Variants in MIPEP observed in about 807,000 individuals in gnomAD.
The protein encoded by MIPEP is mitochondrial intermediate peptidase.
Under a neutral mutation model 90.3 loss-of-function variants are expected in MIPEP, and 79 were observed. The ratio of observed to expected loss-of-function variants is 0.87; its 90% CI spans 0.73 to 1.05. MIPEP has a LOEUF of 1.05. MIPEP is among the 50% of genes least tolerant of loss of function. The pLI, the probability that MIPEP is intolerant of heterozygous loss-of-function variation, is 0.00. For synonymous variants in MIPEP, 334 were observed against 315.8 expected (o/e 1.06, Z -0.61); for missense variants, 940 against 905.6 (o/e 1.04, Z -0.49).
rs371262021 is a variant in MIPEP, at chr13:23,733,928, G to T, written c.2045-3483C>A. 4.6e-5 allele frequency among the ~76,000 whole-genome samples: 7 copies of T among 152,274 alleles called. No individual in the cohort carries two copies. The East Asian group carries it at 1.4e-3, about 29-fold the overall frequency. ...GTTCTTTTTTACAGTAAAATAATCT[G>T]CATGCATGAATGCAGGCCTTGCCTC... On this transcript the variant is annotated intron_variant, in intron 18 of 18. Coordinates refer to ENST00000382172, the MANE Select transcript of MIPEP (RefSeq NM_005932.4).
intron 18 of MIPEP, among the ~76,000 whole-genome samples, chr13:23,740,880 T>G (rs1260138032): frequency 6.6e-6 from 1 of 152,158 alleles, no homozygotes; most frequent in African/African-American, 2.4e-5. Flanking sequence ...GATCTTCCCT[T>G]GTGGAGTCGG....
intron 14 of MIPEP, among the ~76,000 whole-genome samples, chr13:23,815,963 G>A (rs1010584047): frequency 2.6e-5 from 4 of 152,198 alleles, no homozygotes; most frequent in Admixed American, 6.5e-5. Flanking sequence ...ACGATCAAAT[G>A]TATCTCATGC....
chr13:23,765,028 G>A (rs1952579650), intron 16 of MIPEP, among the ~76,000 whole-genome samples: 1 of 152,158 alleles, frequency 6.6e-6, no homozygotes, highest in Admixed American at 6.6e-5. Flanking sequence ...GAATACAGTC[G>A]AATACATATT....
intron 1 of MIPEP, among the ~76,000 whole-genome samples, chr13:23,887,647 G>A (rs990040572): frequency 1.3e-5 from 2 of 152,116 alleles, no homozygotes. Context: ...TCTAACACAT[G>A]GGGGAACTCA....
At chr13:23,850,970 A>G (rs1361564052) in intron 10 of MIPEP, among the ~76,000 whole-genome samples, 9 of 152,236 alleles carry the variant, frequency 5.9e-5, no homozygotes, top group Non-Finnish European at 1.0e-4. Context: ...GCAGCAGCAA[A>G]AGGGAAATAG....
chr13:23,731,038 A>G (rs1216966031), intron 18 of MIPEP, among the ~76,000 whole-genome samples: 1 of 152,240 alleles, frequency 6.6e-6, no homozygotes, highest in South Asian at 2.1e-4. Context: ...AAGAAGATGT[A>G]GTAGAAGCAA....
At chr13:23,841,011 G>A (rs1483927682) in intron 11 of MIPEP, among the ~76,000 whole-genome samples, 2 of 152,066 alleles carry the variant, frequency 1.3e-5, no homozygotes, top group African/African-American at 4.8e-5. Flanking sequence ...TAACCAAAAC[G>A]GACACACAGC....
chr13:23,804,835 T>C (rs1265841727), intron 16 of MIPEP, among the ~76,000 whole-genome samples: 1 of 152,198 alleles, frequency 6.6e-6, no homozygotes, highest in African/African-American at 2.4e-5. Flanking sequence ...ATAAAACCAC[T>C]TGACATTTAT....
intron 4 of MIPEP, among the ~76,000 whole-genome samples, chr13:23,875,893 C>G (rs1001702135): frequency 1.3e-5 from 2 of 152,066 alleles, no homozygotes; most frequent in Non-Finnish European, 2.9e-5. Context: ...GTATCTTGCT[C>G]TTTCTTGTAA....
At position 23,870,095 on chromosome 13, in the gene MIPEP, G is replaced by C; in HGVS notation, c.704C>G (p.Pro235Arg). Reference sequence around the variant, plus strand: ...TGTAAAGTTACGACGAATGTGTTCTGGTAAGAGATGCTTCTCAATCTTGTT... The same window carrying C: ...TGTAAAGTTACGACGAATGTGTTCTCGTAAGAGATGCTTCTCAATCTTGTT... ...FPNKIEKHLL[P>R]EHIRRNFTSA... The change falls in exon 6 of 19, where the codon CCA becomes CGA. Residue 235 changes from proline to arginine, a missense_variant. By Grantham distance (103) the Pro-to-Arg change is moderately radical (BLOSUM62 -2). Transcript: ENST00000382172. The C allele has an allele frequency of 6.2e-7, 1 of 1,612,364 alleles. No homozygotes were observed. The highest frequency in any genetic ancestry group is 8.5e-7 in the Non-Finnish European group (1 of 1,179,144).
At chr13:23,798,477 C>T (rs575031063) in intron 16 of MIPEP, among the ~76,000 whole-genome samples, 4 of 152,262 alleles carry the variant, frequency 2.6e-5, no homozygotes, top group African/African-American at 9.6e-5. Context: ...CAGCACACAC[C>T]TACTCAAAAA....
At chr13:23,777,958 G>A in intron 16 of MIPEP, among the ~76,000 whole-genome samples, 1 of 152,178 alleles carries the variant, frequency 6.6e-6, no homozygotes, top group East Asian at 1.9e-4. Context: ...AAATGGGTTA[G>A]AAAAAGTGGT....
chr13:23,778,527 C>T (rs2137357242), intron 16 of MIPEP, among the ~76,000 whole-genome samples: 1 of 152,240 alleles, frequency 6.6e-6, no homozygotes, highest in East Asian at 1.9e-4. Context: ...AGCAGAGACT[C>T]CCTCAAAACT....
chr13:23,800,977 T>C (rs1055900975), intron 16 of MIPEP, among the ~76,000 whole-genome samples: 1 of 152,238 alleles, frequency 6.6e-6, no homozygotes, highest in Non-Finnish European at 1.5e-5. Flanking sequence ...AAAGAATTGC[T>C]AATATAGACA....
rs1593181813 is a variant in MIPEP at position 23,836,268 on chromosome 13, T to C, written c.1625A>G (p.Gln542Arg). ...TCCAGTCTGATAATGTCTGGCAAAT[T>C]GGTTAACTACTCGATAATCATTTGC... is the stretch of plus-strand genomic sequence containing the variant. ...YFANDYRVVN[Q>R]FARHYQTGQP... Residue 542 changes from glutamine (Q) to arginine (R), a missense_variant, in exon 14 of 19, where the codon CAA becomes CGA. Coordinates refer to ENST00000382172, the MANE Select transcript of MIPEP (RefSeq NM_005932.4). 5 of 1,605,358 alleles carry C rather than the reference T, an allele frequency of 3.1e-6. No individual in the cohort carries two copies. The highest frequency in any genetic ancestry group is 2.3e-5 in the South Asian group (2 of 88,806).
At chr13:23,763,895 A>G (rs1052511958) in intron 16 of MIPEP, among the ~76,000 whole-genome samples, 1 of 152,198 alleles carries the variant, frequency 6.6e-6, no homozygotes, top group African/African-American at 2.4e-5. Context: ...AAGACCTACA[A>G]TTCCACTGTT....
chr13:23,766,804 C>CA (rs1214552109), intron 16 of MIPEP, among the ~76,000 whole-genome samples: 1 of 152,242 alleles, frequency 6.6e-6, no homozygotes, highest in Non-Finnish European at 1.5e-5. Flanking sequence ...TCCTGATGGT[C>CA]ACACCTTTGT....
At chr13:23,881,586 C>T in intron 3 of MIPEP, 113 bp downstream of exon 3, 1 of 881,162 alleles carries the variant, frequency 1.1e-6, no homozygotes, top group Non-Finnish European at 1.8e-6. Flanking sequence ...CACACACCTC[C>T]CACCCTGCTG....
intron 16 of MIPEP, among the ~76,000 whole-genome samples, chr13:23,799,351 G>A (rs952235147): frequency 2.0e-4 from 29 of 147,182 alleles, no homozygotes; most frequent in African/African-American, 5.0e-4. Context: ...GTTTTGGGAC[G>A]GAGTCTCACT....
Sources: gnomAD v4.1 joint callset for allele counts (sites outside exome capture counted in the v4.1 genomes callset) on GRCh38, gnomAD v4.1.1 for gene constraint, MANE v1.5 for transcripts, NCBI Gene and HGNC (gene_info 2026-07-23, HGNC 2026-07-21) for gene names.